The following KIF5A variants were observed in gnomAD, a reference collection of about 807,000 sequenced individuals.
KIF5A encodes the protein kinesin family member 5A.
In KIF5A, 35 loss-of-function variants were observed where a neutral mutation model predicts 141.3. The observed-to-expected ratio is 0.25, with a 90% CI of 0.19 to 0.33. KIF5A has a LOEUF of 0.33. Among genes scored for constraint, KIF5A ranks in the 10% least tolerant of loss-of-function variants. The pLI, the probability that KIF5A is intolerant of heterozygous loss-of-function variation, is 1.00. For synonymous variants in KIF5A, 448 were observed against 500.2 expected (o/e 0.90, Z 1.39); for missense variants, 861 against 1,314.3 (o/e 0.66, Z 5.33).
At chr12:57,583,239 A>G (rs1594927696) in intron 28 of KIF5A, 24 bp downstream of exon 28, 1 of 1,451,964 alleles carries the variant, frequency 6.9e-7, no homozygotes, top group Non-Finnish European at 9.6e-7. Context: ...GCTTCCTCGG[A>G]CCAGCCTCAG....
rs921708281 is a variant in KIF5A at position 57,575,110 on chromosome 12, G to A, written c.1743G>A (p.Glu581=). The part of the protein sequence containing the change: ...KLPVEISGAI[E]EEFTVARLYI... ...CAGTGGAGATCAGTGGGGCCATCGA[G>A]GAGGAGTTCACTGTGGCCCGACTCT... The change falls in exon 16 of 29, where the codon GAG becomes GAA. Residue 581 remains glutamate, a synonymous_variant. Coordinates refer to ENST00000455537, the MANE Select transcript of KIF5A (RefSeq NM_004984.4). 2 of 1,614,040 alleles carry A rather than the reference G, an allele frequency of 1.2e-6. No homozygotes were observed. Among genetic ancestry groups the A allele is most frequent in the Non-Finnish European group, 1.7e-6 (2 of 1,179,960 alleles).
chr12:57,561,991 T>A (rs1881921302), intron 1 of KIF5A, among the ~76,000 whole-genome samples: 1 of 152,238 alleles, frequency 6.6e-6, no homozygotes, highest in African/African-American at 2.4e-5. Flanking sequence ...AGATGGACTC[T>A]GTAGTAAAAC....
intron 1 of KIF5A, among the ~76,000 whole-genome samples, chr12:57,557,594 A>C (rs1247328369): frequency 6.6e-6 from 1 of 152,086 alleles, no homozygotes; most frequent in Non-Finnish European, 1.5e-5. Context: ...AATTTTAATA[A>C]GATTATATAT....
At chr12:57,564,322 C>A in intron 4 of KIF5A, 110 bp downstream of exon 4, 1 of 1,090,426 alleles carries the variant, frequency 9.2e-7, no homozygotes, top group Non-Finnish European at 1.4e-6. Context: ...TTCCGGTTAC[C>A]AGAGTTCTTT....
intron 1 of KIF5A, among the ~76,000 whole-genome samples, chr12:57,557,212 G>A (rs1043162780): frequency 8.6e-5 from 13 of 151,412 alleles, no homozygotes; most frequent in Admixed American, 6.6e-5. Flanking sequence ...ATGCTGATAC[G>A]AAGTCAATAA....
At chr12:57,562,713 C>T (rs1881946229) in intron 1 of KIF5A, among the ~76,000 whole-genome samples, 1 of 152,192 alleles carries the variant, frequency 6.6e-6, no homozygotes, top group Non-Finnish European at 1.5e-5. Context: ...TCACTTAGTA[C>T]ATCTAAAGAT....
rs754561927 is a variant in KIF5A at position 57,576,762 on chromosome 12, C to T, written c.2200C>T (p.Leu734=). Residue 734 remains leucine, a splice_region_variant and synonymous_variant, in exon 20 of 29, where the codon CTA becomes TTA. Transcript: ENST00000455537. ...CCATTACCTTCTGATGCTCTGTAGC[C>T]TAAATCAGAAGCTCCAGTTAGAGCT... ...KQKTIDELKD[L]NQKLQLELEK... The T allele has an allele frequency of 1.9e-6, 3 of 1,611,334 alleles. No individual in the cohort carries two copies. In the Admixed American group the frequency reaches 5.0e-5, roughly 27 times the overall value.
At chr12:57,570,251 G>GT in intron 12 of KIF5A, 89 bp downstream of exon 12, 1 of 1,148,984 alleles carries the variant, frequency 8.7e-7, no homozygotes, top group Non-Finnish European at 1.3e-6. Context: ...CCTCTTTCTG[G>GT]TTTTAAAAGG....
At chr12:57,574,971 T>A in intron 15 of KIF5A, 113 bp from the exon 16 acceptor site, 2 of 896,662 alleles carry the variant, frequency 2.2e-6, no homozygotes, top group Admixed American at 3.9e-5. Flanking sequence ...AAAATACCCA[T>A]CCCATTTGAG....
At chr12:57,582,053 C>A in intron 26 of KIF5A, 101 bp downstream of exon 26, 1 of 959,362 alleles carries the variant, frequency 1.0e-6, no homozygotes, top group Non-Finnish European at 1.7e-6. Flanking sequence ...CTGACTGAAC[C>A]TTTCTGGTGT....
chr12:57,551,072 C>T (rs750363419), intron 1 of KIF5A, among the ~76,000 whole-genome samples: 23 of 151,986 alleles, frequency 1.5e-4, no homozygotes, highest in Non-Finnish European at 3.2e-4. Context: ...TTTCAGATTC[C>T]CCAACTGACC....
intron 8 of KIF5A, among the ~76,000 whole-genome samples, 197 bp from the exon 9 acceptor site, chr12:57,568,766 A>AG (rs1223891155): frequency 6.6e-6 from 1 of 151,506 alleles, no homozygotes; most frequent in Non-Finnish European, 1.5e-5. Context: ...GGCAGGGGTT[A>AG]GGGGCAATGT....
At chr12:57,581,241 A>T in intron 24 of KIF5A, 69 bp downstream of exon 24, 1 of 1,533,332 alleles carries the variant, frequency 6.5e-7, no homozygotes, top group Non-Finnish European at 8.9e-7. Flanking sequence ...CTAATTGCCA[A>T]GCAACTAGAT....
chr12:57,578,430 A>T lies in KIF5A; in HGVS notation c.2538+88A>T, dbSNP rs75509754. 3.4e-3 allele frequency: 2,884 copies of T among 855,878 alleles called. 103 individuals are homozygous for T. In the East Asian group the frequency reaches 0.057, roughly 17 times the overall value. 53.0% of individuals were successfully genotyped at this position (855,878 alleles called of 1,614,324 possible). The stretch of plus-strand genomic sequence containing the variant: ...TCAGAGGCCCCTTGGATTCAGGAAA[A>T]TCTAGTTGCATGTTTTCCTTACTGT... On this transcript the variant is annotated intron_variant, in intron 23 of 28. Coordinates refer to ENST00000455537, the MANE Select transcript of KIF5A (RefSeq NM_004984.4).
chr12:57,563,314 C>T (rs1881967750), intron 1 of KIF5A, 125 bp from the exon 2 acceptor site: 1 of 751,442 alleles, frequency 1.3e-6, no homozygotes, highest in Non-Finnish European at 2.4e-6. Context: ...CATTCTCCCA[C>T]ATTTCTGTTC....
rs770896806 is a variant in KIF5A at position 57,572,283 on chromosome 12, A to G, written c.1569+16A>G. On this transcript the variant is annotated intron_variant, in intron 14 of 28. Coordinates refer to ENST00000455537, the MANE Select transcript of KIF5A (RefSeq NM_004984.4). The surrounding 1 kb of genome is among the most constrained non-coding windows in gnomAD (Gnocchi z 4.2). The stretch of plus-strand genomic sequence containing the variant: ...TCAGAAGGTGGTAAGTGGTGTGCCA[A>G]TGGTCCAACAGCTCCCTGACCACAG... 1 of 1,568,312 alleles carries G rather than the reference A, an allele frequency of 6.4e-7. No individual in the cohort carries two copies. The highest frequency in any genetic ancestry group is 1.2e-5 in the South Asian group (1 of 85,618).
In KIF5A at chr12:57,570,102, C is replaced by G. The variant is rs757235645; in HGVS notation, c.1233C>G (p.Pro411=). 6.2e-7 allele frequency: 1 copy of G among 1,614,094 alleles called. No homozygotes were observed. Among genetic ancestry groups the G allele is most frequent in the Non-Finnish European group, 8.5e-7 (1 of 1,180,018 alleles). ...DNSSIVVRIA[P]EERQKYEEEI... ...CATCCATCGTGGTGCGCATCGCGCC[C>G]GAGGAGCGGCAGAAATACGAGGAGG... The change falls in exon 12 of 29, where the codon CCC becomes CCG. Residue 411 remains proline (P), a synonymous_variant. Transcript: ENST00000455537.
intron 6 of KIF5A, among the ~76,000 whole-genome samples, chr12:57,565,621 A>AT (rs398019767): frequency 0.063 from 8,033 of 128,380 alleles, 397 homozygotes; most frequent in East Asian, 0.14. Context: ...ATTTAATCTA[A>AT]TTTTTTTTTT....
chr12:57,577,662 G>A lies in KIF5A; in HGVS notation c.2301-51G>A, dbSNP rs1049704295. On this transcript the variant is annotated intron_variant, in intron 20 of 28. Transcript: ENST00000455537. ...AAAGTAATAGAGGAAGAGGCAGGAG[G>A]AAGGAGAGTCCTGAGGGATCTTTCC... 4 of 1,352,976 alleles carry A rather than the reference G, an allele frequency of 3.0e-6. No individual in the cohort carries two copies. The Admixed American group carries it at 5.0e-5, about 17-fold the overall frequency. 83.8% of individuals were successfully genotyped at this position (1,352,976 alleles called of 1,614,324 possible).
Sources: gnomAD v4.1 joint callset for allele counts (sites outside exome capture counted in the v4.1 genomes callset) on GRCh38, gnomAD v4.1.1 for gene constraint, Gnocchi (gnomAD v3.1) non-coding constraint, MANE v1.5 for transcripts, NCBI Gene and HGNC (gene_info 2026-07-23, HGNC 2026-07-21) for gene names.